SQLE: variants seen among roughly 807,000 people sequenced by gnomAD.
SQLE encodes squalene epoxidase.
In SQLE, 29 loss-of-function variants were observed where a neutral mutation model predicts 60.7. That is an observed-to-expected ratio of 0.48 (90% CI 0.36 to 0.65). The LOEUF (loss-of-function observed/expected upper bound fraction) is 0.65. Among genes scored for constraint, SQLE ranks in the 30% least tolerant of loss-of-function variants. The pLI is 0.00. For synonymous variants in SQLE, 237 were observed against 246.8 expected, an observed-to-expected ratio of 0.96 and a Z score of 0.37; for missense variants, 605 against 684.1, an observed-to-expected ratio of 0.88 and a Z score of 1.29.
chr8:125,003,913 G>A (rs898875183), intron 2 of SQLE, among the ~76,000 whole-genome samples: 9 of 151,998 alleles, frequency 5.9e-5, no homozygotes, highest in African/African-American at 2.2e-4. Context: ...GGGTGGGGAA[G>A]GTGGGAGAGA....
Position 124,998,622 on chromosome 8 carries a change from G to T in SQLE, c.-782G>T. On this transcript the variant is annotated 5_prime_UTR_variant, in exon 1 of 11. Transcript: ENST00000265896. ...GGGATGCTGGTGAGGAAGCCGTCGGGAGCCGCCGCCGCCATCTGAGGGAGG... is the reference window on the plus strand; with the variant it reads ...GGGATGCTGGTGAGGAAGCCGTCGGTAGCCGCCGCCGCCATCTGAGGGAGG... 1 of 684,034 alleles carries T rather than the reference G, an allele frequency of 1.5e-6. No homozygotes were observed. 42.4% of individuals were successfully genotyped at this position (684,034 alleles called of 1,614,324 possible).
chr8:125,011,831 AAAC>A (rs1429416266), intron 7 of SQLE, among the ~76,000 whole-genome samples, 199 bp downstream of exon 7: 2 of 104,210 alleles, frequency 1.9e-5, no homozygotes, highest in African/African-American at 8.4e-5. Context: ...CTAGTCAGGG[AAAC>A]AACAGGTAAA....
chr8:125,005,548 C>G lies in SQLE; in HGVS notation c.568C>G (p.Gln190Glu). ...AGATACAGTGGAAGGTCTTGATGCC[C>G]AGGTTGTAAATGGTTACATGATTCA... The part of the protein sequence containing the change: ...LGDTVEGLDA[Q>E]VVNGYMIHDQ... The change falls in exon 3 of 11, where the codon CAG (glutamine) becomes GAG (glutamate). Residue 190 changes from glutamine (Q) to glutamate (E), a missense_variant. Physicochemically the swap from Gln to Glu is conservative, Grantham distance 29. Coordinates refer to ENST00000265896, the MANE Select transcript of SQLE (RefSeq NM_003129.4). The G allele has an allele frequency of 6.2e-7, 1 of 1,603,286 alleles. No homozygotes were observed. Among genetic ancestry groups the G allele is most frequent in the Non-Finnish European group, 8.5e-7 (1 of 1,173,358 alleles).
intron 7 of SQLE, among the ~76,000 whole-genome samples, chr8:125,014,603 C>A (rs908961036): frequency 2.6e-5 from 4 of 152,036 alleles, no homozygotes; most frequent in Non-Finnish European, 4.4e-5. Flanking sequence ...TATATATTGT[C>A]TTTGCATTTT....
intron 2 of SQLE, among the ~76,000 whole-genome samples, chr8:125,003,725 A>C (rs1459374828): frequency 6.6e-6 from 1 of 152,202 alleles, no homozygotes; most frequent in Non-Finnish European, 1.5e-5. Context: ...GTGAAAGGCG[A>C]AGGGAACTGT....
Position 125,020,860 on chromosome 8 carries a change from G to A in SQLE, c.1521G>A (p.Gly507=). 1 of 1,612,836 alleles carries A rather than the reference G, an allele frequency of 6.2e-7. No homozygotes were observed. The highest frequency in any genetic ancestry group is 8.5e-7 in the Non-Finnish European group (1 of 1,179,084). ...LGGECVAGPV[G]LLSVLSPNPL... ...GCGAATGTGTTGCGGGTCCTGTTGG[G>A]CTGCTTTCTGTGTAAGTTGTGATGG... is the stretch of plus-strand genomic sequence containing the variant. The change falls in exon 10 of 11, where the codon GGG becomes GGA. Residue 507 remains glycine, a synonymous_variant. Transcript: ENST00000265896.
rs557166058 is a variant in SQLE at position 125,012,096 on chromosome 8, A to G, written c.1204+464A>G. On this transcript the variant is annotated intron_variant, in intron 7 of 10. Coordinates refer to ENST00000265896, the MANE Select transcript of SQLE (RefSeq NM_003129.4). ...ACTAAGATGAGGAACTTCTAGGTAG[A>G]TGGAATAACATTGCCAAAGGATGAG... 8.5e-5 allele frequency among the ~76,000 whole-genome samples: 13 copies of G among 152,054 alleles called. No individual in the cohort carries two copies. The South Asian group carries it at 2.7e-3, about 32-fold the overall frequency.
intron 7 of SQLE, among the ~76,000 whole-genome samples, chr8:125,015,392 T>TTA (rs2129903474): frequency 6.6e-6 from 1 of 152,320 alleles, no homozygotes; most frequent in South Asian, 2.1e-4. Flanking sequence ...CTACATTGAA[T>TTA]GTTATTATTG....
chr8:125,009,252 C>T lies in SQLE; in HGVS notation c.1017C>T (p.Ser339=). The T allele has an allele frequency of 6.2e-7, 1 of 1,613,848 alleles. No homozygotes were observed. The highest frequency in any genetic ancestry group is 1.1e-5 in the South Asian group (1 of 91,064). The change falls in exon 6 of 11, where the codon TCC becomes TCT. Residue 339 remains serine (S), a synonymous_variant. Transcript: ENST00000265896. ...CAGTTCTCATCTACCAGATTTCATC[C>T]AGTGAAACTCGAGTACTTGTTGACA... is the stretch of plus-strand genomic sequence containing the variant. ...PSPVLIYQIS[S]SETRVLVDIR...
chr8:125,010,903 T>C (rs756812420), intron 6 of SQLE: 1 of 146,436 alleles, frequency 6.8e-6, no homozygotes, highest in Middle Eastern at 3.6e-3. Flanking sequence ...TTAATATGAA[T>C]GGAATAATTT....
chr8:125,015,091 T>C (rs1815091077), intron 7 of SQLE, among the ~76,000 whole-genome samples: 1 of 152,226 alleles, frequency 6.6e-6, no homozygotes, highest in Non-Finnish European at 1.5e-5. Flanking sequence ...GCTCCGGTAT[T>C]GGGTGCATAT....
intron 8 of SQLE, 93 bp from the exon 9 acceptor site, chr8:125,018,538 T>C: frequency 1.2e-6 from 1 of 815,226 alleles, no homozygotes; most frequent in Non-Finnish European, 1.9e-6. Context: ...CAGATAGTCC[T>C]TAGAAGGATA....
chr8:125,003,701 G>A (rs1474149793), intron 2 of SQLE, among the ~76,000 whole-genome samples: 1 of 152,080 alleles, frequency 6.6e-6, no homozygotes, highest in African/African-American at 2.4e-5. Flanking sequence ...CCTAGAATGA[G>A]GGCATTAAAT....
At position 125,013,263 on chromosome 8, in the gene SQLE, T is replaced by C. The variant is rs1389180143; in HGVS notation, c.1204+1631T>C. Among the ~76,000 whole-genome samples the C allele has an allele frequency of 2.1e-4, 32 of 152,172 alleles. 1 individual carries two copies. The highest frequency in any genetic ancestry group is 4.4e-5 in the Non-Finnish European group (3 of 68,028). ...CACATGGTTTAAATTTTCATGTTTATTTTTTCTTTCGTTGCTTGTGCTTTT... is the reference window on the plus strand; with the variant it reads ...CACATGGTTTAAATTTTCATGTTTACTTTTTCTTTCGTTGCTTGTGCTTTT... On this transcript the variant is annotated intron_variant, in intron 7 of 10. Coordinates refer to ENST00000265896, the MANE Select transcript of SQLE (RefSeq NM_003129.4).
intron 8 of SQLE, 121 bp from the exon 9 acceptor site, chr8:125,018,510 A>G (rs1328610411): frequency 1.4e-6 from 1 of 699,360 alleles, no homozygotes; most frequent in Non-Finnish European, 2.3e-6. Flanking sequence ...AATGATAAAC[A>G]TAAGGCAATA....
At chr8:125,018,320 T>C in intron 8 of SQLE, 119 bp downstream of exon 8, 2 of 1,038,620 alleles carry the variant, frequency 1.9e-6, no homozygotes, top group Non-Finnish European at 2.8e-6. Flanking sequence ...TAATAGCTCT[T>C]AGGCATCTTG....
intron 2 of SQLE, among the ~76,000 whole-genome samples, chr8:125,004,473 T>G (rs1378326903): frequency 6.6e-6 from 1 of 152,078 alleles, no homozygotes; most frequent in Non-Finnish European, 1.5e-5. Context: ...ATAATATTAG[T>G]TCATAGTATC....
chr8:125,010,009 A>T (rs1396866295), intron 6 of SQLE, among the ~76,000 whole-genome samples: 1 of 152,230 alleles, frequency 6.6e-6, no homozygotes, highest in African/African-American at 2.4e-5. Flanking sequence ...GTGTTTAGCA[A>T]ACATAATTTC....
At chr8:125,004,678 C>G (rs1029015803) in intron 2 of SQLE, among the ~76,000 whole-genome samples, 51 of 151,720 alleles carry the variant, frequency 3.4e-4, no homozygotes, top group African/African-American at 1.2e-3. Context: ...TAATATTTTT[C>G]CAGTGGTTTT....
Sources: allele counts gnomAD v4.1 joint callset (sites outside exome capture counted in the v4.1 genomes callset), GRCh38; gene constraint gnomAD v4.1.1; transcripts MANE v1.5; gene names NCBI Gene and HGNC (gene_info 2026-07-23, HGNC 2026-07-21).